Variants in PVT1 observed in about 807,000 individuals in gnomAD.
The protein encoded by PVT1 is CXCR4/PVT1 fusion.
At chr8:128,071,303 A>T (rs1813985361) in intron 5 of PVT1, among the ~76,000 whole-genome samples, 1 of 152,162 alleles carries the variant, frequency 6.6e-6, no homozygotes, top group Admixed American at 6.5e-5. Flanking sequence ...CCTGTCAGAG[A>T]GTATCACTTC....
chr8:127,831,726 A>G (rs982284047), intron 2 of PVT1, among the ~76,000 whole-genome samples: 1 of 152,212 alleles, frequency 6.6e-6, no homozygotes, highest in Admixed American at 6.5e-5. Context: ...GAGAGTCATC[A>G]CTTGCAATGT....
chr8:127,916,873 C>T (rs1471678202), intron 3 of PVT1, among the ~76,000 whole-genome samples: 1 of 152,172 alleles, frequency 6.6e-6, no homozygotes, highest in African/African-American at 2.4e-5. Flanking sequence ...TTAGAGGCAG[C>T]ACTTCTTGCA....
chr8:127,889,049 T>C (rs1450834198), intron 2 of PVT1, among the ~76,000 whole-genome samples: 3 of 90,682 alleles, frequency 3.3e-5, no homozygotes, highest in Non-Finnish European at 7.7e-5. Flanking sequence ...TCTTCCTTCC[T>C]TCCTTCCTTC....
chr8:127,849,692 T>C (rs1815082706), intron 2 of PVT1, among the ~76,000 whole-genome samples: 1 of 140,068 alleles, frequency 7.1e-6, no homozygotes, highest in Admixed American at 7.0e-5. Context: ...AGCCTGTACA[T>C]ATGTGTGTGT....
At chr8:127,980,571 C>T (rs542912565) in intron 3 of PVT1, among the ~76,000 whole-genome samples, 6 of 152,170 alleles carry the variant, frequency 3.9e-5, no homozygotes, top group African/African-American at 1.4e-4. Flanking sequence ...TGTTGCAGCC[C>T]ACCTCTGGGC....
At chr8:127,915,640 A>T (rs1000303568) in intron 3 of PVT1, among the ~76,000 whole-genome samples, 3 of 144,814 alleles carry the variant, frequency 2.1e-5, no homozygotes, top group Non-Finnish European at 4.5e-5. Context: ...AAAAAAGAGG[A>T]TATGTGGACA....
At chr8:127,957,566 C>CAAAAAAAAAAAAAAAAAAAAA (rs56796489) in intron 3 of PVT1, among the ~76,000 whole-genome samples, 2 of 91,808 alleles carry the variant, frequency 2.2e-5, no homozygotes, top group African/African-American at 3.9e-5. Flanking sequence ...GACTCCGTCT[C>CAAAAAAAAAAAAAAAAAAAAA]AAAAAAAAAA....
At chr8:127,990,066 A>C (rs911688652) in intron 4 of PVT1, among the ~76,000 whole-genome samples, 2 of 152,176 alleles carry the variant, frequency 1.3e-5, no homozygotes, top group Non-Finnish European at 2.9e-5. Context: ...AATTCCTTCC[A>C]TGTATCAGGC....
At chr8:127,884,791 T>G (rs1367116766) in intron 2 of PVT1, among the ~76,000 whole-genome samples, 1 of 152,248 alleles carries the variant, frequency 6.6e-6, no homozygotes, top group East Asian at 1.9e-4. Flanking sequence ...CCACACATTG[T>G]GTACTTTTGC....
chr8:127,898,835 C>T lies in PVT1; in HGVS notation n.782+7837C>T, dbSNP rs1815722737. The stretch of plus-strand genomic sequence containing the variant: ...GCAGTTGCTGGGGATGGGGGTCTTT[C>T]CCTCTCATCTGTCTGTCACCCTTTA... On this transcript the variant is annotated intron_variant and non_coding_transcript_variant, in intron 3 of 10. Transcript: ENST00000651587. This position sits in a 1 kb window ranked among gnomAD's most constrained non-coding sequence, Gnocchi z 4.4. Among the ~76,000 whole-genome samples, 1 of 152,162 alleles carries T rather than the reference C, an allele frequency of 6.6e-6. No individual in the cohort carries two copies. Among genetic ancestry groups the T allele is most frequent in the African/African-American group, 2.4e-5 (1 of 41,442 alleles).
chr8:127,813,016 G>A (rs1203439276), intron 2 of PVT1, among the ~76,000 whole-genome samples: 1 of 151,628 alleles, frequency 6.6e-6, no homozygotes, highest in African/African-American at 2.4e-5. Flanking sequence ...GTACAATCTG[G>A]AGTAATGTTA....
At chr8:128,069,840 C>T (rs534305889) in intron 4 of PVT1, among the ~76,000 whole-genome samples, 6 of 152,208 alleles carry the variant, frequency 3.9e-5, no homozygotes, top group Non-Finnish European at 7.4e-5. Flanking sequence ...TTTTTTCTTT[C>T]GAATTTTATT....
chr8:128,082,274 G>T (rs1366754407), intron 5 of PVT1, among the ~76,000 whole-genome samples: 1 of 152,158 alleles, frequency 6.6e-6, no homozygotes, highest in Non-Finnish European at 1.5e-5. Context: ...AACTTGTTCG[G>T]GGTGCTACAG....
intron 3 of PVT1, among the ~76,000 whole-genome samples, chr8:127,897,903 AAAAGAC>A (rs1815705855): frequency 7.0e-6 from 1 of 142,724 alleles, no homozygotes; most frequent in Non-Finnish European, 1.5e-5. Flanking sequence ...AAGAAAGAAA[AAAAGAC>A]AGACAGGAAG....
intron 2 of PVT1, among the ~76,000 whole-genome samples, chr8:127,862,269 G>A (rs191313084): frequency 8.1e-4 from 124 of 152,186 alleles, no homozygotes; most frequent in Admixed American, 2.6e-3. Context: ...TTAGCCAGGC[G>A]TGGTGGCAGG....
intron 4 of PVT1, among the ~76,000 whole-genome samples, chr8:127,990,697 T>G (rs1222323472): frequency 6.6e-6 from 1 of 152,236 alleles, no homozygotes; most frequent in African/African-American, 2.4e-5. Context: ...TCTTTTGTAT[T>G]GTGCCTTAAA....
intron 2 of PVT1, among the ~76,000 whole-genome samples, chr8:127,857,183 G>A (rs1162784955): frequency 6.6e-6 from 1 of 152,098 alleles, no homozygotes; most frequent in Non-Finnish European, 1.5e-5. Flanking sequence ...CCAACATTGT[G>A]CCACTGTACT....
At chr8:127,852,669 C>A (rs778651112) in intron 2 of PVT1, among the ~76,000 whole-genome samples, 1 of 152,130 alleles carries the variant, frequency 6.6e-6, no homozygotes, top group Admixed American at 6.5e-5. Context: ...GCAGGTTAAG[C>A]CCTTGGCACA....
In PVT1 at chr8:127,952,968, G is replaced by GTTTTT. The variant is rs1816524309; in HGVS notation, n.783-36192_783-36191insTTTTT. On this transcript the variant is annotated intron_variant and non_coding_transcript_variant, in intron 3 of 10. Transcript: ENST00000651587. ...TTTAGTAGAGACGGGGTTTCACCAT[G>GTTTTT]TTGGCCAGGATGGTCTCGATCTCCT... Among the ~76,000 whole-genome samples the GTTTTT allele has an allele frequency of 2.6e-5, 4 of 152,152 alleles. No individual in the cohort carries two copies. The South Asian group carries it at 8.3e-4, about 32-fold the overall frequency.
Sources: allele counts gnomAD v4.1 joint callset (sites outside exome capture counted in the v4.1 genomes callset), GRCh38; gene constraint gnomAD v4.1.1; non-coding constraint Gnocchi (gnomAD v3.1); transcripts MANE v1.5; gene names NCBI Gene and HGNC (gene_info 2026-07-23, HGNC 2026-07-21).